Variants in CNOT1 observed in about 807,000 individuals in gnomAD.
The protein encoded by CNOT1 is CCR4-associated factor 1.
A neutral mutation model predicts 273.8 loss-of-function variants in CNOT1; 15 were observed. That is an observed-to-expected ratio of 0.05 (90% CI 0.04 to 0.08). CNOT1 has a LOEUF of 0.08. CNOT1 is among the 10% of genes least tolerant of loss of function. The pLI, the probability that CNOT1 is intolerant of heterozygous loss-of-function variation, is 1.00. For missense variants in CNOT1, 1,644 were observed against 2,912.2 expected (o/e 0.56, Z 10.02); for synonymous variants, 1,022 against 1,005.5 (o/e 1.02, Z -0.31).
chr16:58,582,828 T>G lies in CNOT1; in HGVS notation c.1009A>C (p.Asn337His). 6.4e-7 allele frequency: 1 copy of G among 1,555,190 alleles called. No homozygotes were observed. Among genetic ancestry groups the G allele is most frequent in the Non-Finnish European group, 8.9e-7 (1 of 1,126,250 alleles). Residue 337 changes from asparagine to histidine, a missense_variant, in exon 10 of 49, where the codon AAT becomes CAT. Asn to His is a moderately conservative substitution (Grantham distance 68). Around this residue, in one of 13 missense-constraint regions of CNOT1, gnomAD observed 706 missense variants for 1,021.2 expected, o/e 0.69. Transcript: ENST00000317147. ...AGAACGTCAATCAAGACTTCTACAT[T>G]CCATGTGTGTGCCTGTGCTCCATCA... ...KSDGAQAHTW[N>H]VEVLIDVLKE... is the part of the protein sequence containing the mutation.
At chr16:58,522,237 C>CAAAAAAAAA (rs56149974) in intron 47 of CNOT1, among the ~76,000 whole-genome samples, 4 of 98,594 alleles carry the variant, frequency 4.1e-5, no homozygotes, top group Admixed American at 1.0e-4. Context: ...GAGACTGTCT[C>CAAAAAAAAA]AAAAAAAAAA....
intron 11 of CNOT1, 79 bp from the exon 12 acceptor site, chr16:58,580,839 G>C (rs59119976): frequency 4.9e-5 from 67 of 1,356,704 alleles, no homozygotes; most frequent in Non-Finnish European, 5.6e-5. Context: ...CTAGGCTATT[G>C]TCAATCTTAA....
In CNOT1 at chr16:58,528,561, G is replaced by A. The variant is rs2039676790; in HGVS notation, c.6367C>T (p.Pro2123Ser). The A allele has an allele frequency of 1.9e-6, 3 of 1,612,572 alleles. No homozygotes were observed. The highest frequency in any genetic ancestry group is 1.3e-5 in the African/African-American group (1 of 74,864). The change falls in exon 44 of 49, where the codon CCT becomes TCT. Residue 2123 changes from proline to serine, a missense_variant. Pro to Ser is a moderately conservative substitution (Grantham distance 74). Coordinates refer to ENST00000317147, the MANE Select transcript of CNOT1 (RefSeq NM_016284.5). Reference protein sequence around the residue: ...YHYGFCDVIPPNCIQLRNLIL... With the variant: ...YHYGFCDVIPSNCIQLRNLIL... ...AAATTTCTTAACTGGATACAATTAG[G>A]TGGGATCACATCACAGAACCCATAA...
chr16:58,567,562 A>AAC (rs2041099550), intron 16 of CNOT1, among the ~76,000 whole-genome samples: 1 of 151,760 alleles, frequency 6.6e-6, no homozygotes, highest in Non-Finnish European at 1.5e-5. Flanking sequence ...AAAAAAAAAA[A>AAC]AAAAAACCTT....
intron 11 of CNOT1, 95 bp from the exon 12 acceptor site, chr16:58,580,855 TTA>T: frequency 8.4e-7 from 1 of 1,186,698 alleles, no homozygotes; most frequent in Non-Finnish European, 1.2e-6. Context: ...CTTAAGGTTA[TTA>T]GCATGGCAAT....
chr16:58,522,075 T>C (rs2039401838), intron 47 of CNOT1, among the ~76,000 whole-genome samples: 2 of 151,806 alleles, frequency 1.3e-5, no homozygotes, highest in South Asian at 4.2e-4. Flanking sequence ...ATCCCAGCAC[T>C]CTGGGAGGCC....
At chr16:58,567,299 T>C (rs561112309) in intron 16 of CNOT1, among the ~76,000 whole-genome samples, 15 of 151,964 alleles carry the variant, frequency 9.9e-5, no homozygotes, top group African/African-American at 2.9e-4. Flanking sequence ...GTCTGGGTAA[T>C]AGAGTGAGAC....
chr16:58,560,158 T>C, intron 17 of CNOT1, 54 bp downstream of exon 17: 2 of 1,599,376 alleles, frequency 1.3e-6, no homozygotes, highest in African/African-American at 1.3e-5. Context: ...TAGGAGCTTA[T>C]TCTATTCCAA....
chr16:58,587,719 T>C, intron 4 of CNOT1, 61 bp downstream of exon 4: 3 of 1,546,414 alleles, frequency 1.9e-6, no homozygotes, highest in South Asian at 2.4e-5. Context: ...GATCAAGGCT[T>C]AGGGACTTTT....
At chr16:58,555,996 T>C in intron 19 of CNOT1, 88 bp from the exon 20 acceptor site, 1 of 1,547,096 alleles carries the variant, frequency 6.5e-7, no homozygotes, top group East Asian at 2.2e-5. Flanking sequence ...CTATTATAGC[T>C]CTAACTTCAA....
intron 47 of CNOT1, among the ~76,000 whole-genome samples, chr16:58,522,651 T>C (rs999026846): frequency 1.3e-5 from 2 of 152,184 alleles, no homozygotes; most frequent in Non-Finnish European, 2.9e-5. Flanking sequence ...AATGCAAGTA[T>C]GATCCTGTTA....
rs2042354920 is a variant in CNOT1 at position 58,598,677 on chromosome 16, G to A, written c.102+559C>T. Among the ~76,000 whole-genome samples the A allele has an allele frequency of 2.0e-5, 3 of 151,858 alleles. No individual in the cohort carries two copies. The South Asian group carries it at 6.2e-4, about 32-fold the overall frequency. ...AAGAAAGGAAAATCCTAGCTAGCAG[G>A]TTTCTCAGGGCCCTGAGCACCAGCC... On this transcript the variant is annotated intron_variant, in intron 2 of 48. Transcript: ENST00000317147.
chr16:58,608,168 T>C (rs1456044919), intron 1 of CNOT1, among the ~76,000 whole-genome samples: 1 of 151,830 alleles, frequency 6.6e-6, no homozygotes, highest in Non-Finnish European at 1.5e-5. Flanking sequence ...AGAGCTAGAC[T>C]CTTGTCTCAA....
intron 1 of CNOT1, among the ~76,000 whole-genome samples, chr16:58,627,403 CAAAAA>C (rs754338444): frequency 1.4e-4 from 9 of 65,164 alleles, no homozygotes; most frequent in East Asian, 1.0e-3. Flanking sequence ...GACTCCATCT[CAAAAA>C]AAAAAAAAAA....
intron 1 of CNOT1, among the ~76,000 whole-genome samples, chr16:58,602,654 C>T (rs1246210817): frequency 6.6e-6 from 1 of 150,390 alleles, no homozygotes; most frequent in African/African-American, 2.4e-5. Flanking sequence ...TCACTTAAAC[C>T]CAGGAGGTGG....
chr16:58,564,349 TAAAAAG>T (rs983467070), intron 16 of CNOT1, among the ~76,000 whole-genome samples: 3 of 130,344 alleles, frequency 2.3e-5, no homozygotes, highest in African/African-American at 7.6e-5. Context: ...ACCACTAAAT[TAAAAAG>T]AAACTGTTCC....
At position 58,617,096 on chromosome 16, in the gene CNOT1, C is replaced by T. The variant is rs139220663; in HGVS notation, c.-175+12632G>A. On this transcript the variant is annotated intron_variant, in intron 1 of 48. Coordinates refer to ENST00000317147, the MANE Select transcript of CNOT1 (RefSeq NM_016284.5). ...CTTGCAAGAGGCCAGGTGCAGGGCT[C>T]ACGGCTGTAATGCCAGCATTTTGGG... Among the ~76,000 whole-genome samples the T allele has an allele frequency of 9.3e-4, 142 of 152,308 alleles. 2 individuals are homozygous for T. In the East Asian group the frequency reaches 0.025, roughly 27 times the overall value.
chr16:58,587,159 T>A (rs2041901829), intron 6 of CNOT1, 42 bp downstream of exon 6: 1 of 1,597,884 alleles, frequency 6.3e-7, no homozygotes, highest in East Asian at 2.2e-5. Context: ...CCCACGTATT[T>A]TAAAGTCTCA....
intron 2 of CNOT1, among the ~76,000 whole-genome samples, chr16:58,590,282 G>C (rs1357092940): frequency 6.6e-6 from 1 of 152,180 alleles, no homozygotes; most frequent in East Asian, 1.9e-4. Context: ...CCAAGTCTAT[G>C]AGTTGAAGAA....
Sources: gnomAD v4.1 joint callset for allele counts (sites outside exome capture counted in the v4.1 genomes callset) on GRCh38, gnomAD v4.1.1 for gene constraint, gnomAD v4.1.1 regional missense constraint, MANE v1.5 for transcripts, NCBI Gene and HGNC (gene_info 2026-07-23, HGNC 2026-07-21) for gene names.